The following PHF21A variants were observed in gnomAD, a reference collection of about 807,000 sequenced individuals.
PHF21A encodes PHD finger protein 21A, also known as BHC80a.
Under a neutral mutation model 82.5 loss-of-function variants are expected in PHF21A, and 11 were observed. The observed-to-expected ratio is 0.13, with a 90% CI of 0.08 to 0.22. The LOEUF is 0.22. PHF21A is among the 10% of genes least tolerant of loss of function. The probability of loss-of-function intolerance (pLI) is 1.00; values close to 1 mark genes in which losing one functional copy is unlikely to be tolerated. For missense variants in PHF21A, 579 were observed against 837.8 expected (o/e 0.69, Z 3.81); for synonymous variants, 297 against 302.8 (o/e 0.98, Z 0.20).
intron 1 of PHF21A, among the ~76,000 whole-genome samples, chr11:46,119,051 A>G (rs1043974565): frequency 6.6e-6 from 1 of 152,186 alleles, no homozygotes; most frequent in African/African-American, 2.4e-5. Context: ...CCCTCGCCTT[A>G]AAGAATCCCT....
At chr11:46,109,349 A>G (rs2135961045) in intron 1 of PHF21A, among the ~76,000 whole-genome samples, 1 of 152,320 alleles carries the variant, frequency 6.6e-6, no homozygotes, top group East Asian at 1.9e-4. Flanking sequence ...TACATAATAA[A>G]CACTCTTTAT....
At chr11:45,966,955 T>C (rs2093475159) in intron 9 of PHF21A, among the ~76,000 whole-genome samples, 1 of 151,672 alleles carries the variant, frequency 6.6e-6, no homozygotes, top group Non-Finnish European at 1.5e-5. Flanking sequence ...ACTGTGACCC[T>C]GTGGGCAAAA....
At chr11:45,982,503 A>G (rs367656241) in intron 6 of PHF21A, among the ~76,000 whole-genome samples, 2 of 152,192 alleles carry the variant, frequency 1.3e-5, no homozygotes, top group East Asian at 3.8e-4. Context: ...AAGTCTTCAA[A>G]ATTCTATTTC....
chr11:45,936,800 GA>G, intron 16 of PHF21A: 2 of 488,500 alleles, frequency 4.1e-6, no homozygotes, highest in South Asian at 5.2e-5. Flanking sequence ...CCCAGGCTTA[GA>G]AGGAGCTGGG....
rs576087165 is a variant in PHF21A, at chr11:46,111,114, TG to T, written c.-237+9820del. On this transcript the variant is annotated intron_variant, in intron 1 of 18. Transcript: ENST00000676320. ...TAACAAATTTTAAATCACAACTATG[TG>T]GGGGGGGAGGCTAGTATTATTACAG... 7.0e-4 allele frequency among the ~76,000 whole-genome samples: 103 copies of T among 146,138 alleles called. 1 individual carries two copies. Among genetic ancestry groups the T allele is most frequent in the African/African-American group, 2.0e-3 (81 of 40,208 alleles).
intron 6 of PHF21A, among the ~76,000 whole-genome samples, chr11:46,029,399 C>A (rs567558363): frequency 6.6e-6 from 1 of 152,194 alleles, no homozygotes; most frequent in South Asian, 2.1e-4. Context: ...TTAAAAAATT[C>A]TTCACTGGCT....
At chr11:45,959,804 A>AG (rs1326404309) in intron 10 of PHF21A, among the ~76,000 whole-genome samples, 1 of 152,226 alleles carries the variant, frequency 6.6e-6, no homozygotes, top group African/African-American at 2.4e-5. Flanking sequence ...GTAACTGGTA[A>AG]GGGTCTAGTA....
chr11:45,979,849 G>A lies in PHF21A; in HGVS notation c.271C>T (p.Pro91Ser). The part of the protein sequence containing the change: ...ENKLQTAQQQ[P>S]LQQLQQQQQY... ...TGCTGTTGTTGTAGTTGCTGTAGTGGTTGCTGCTGTGCTGTTTGTAGTTTG... is the reference window on the plus strand; with the variant it reads ...TGCTGTTGTTGTAGTTGCTGTAGTGATTGCTGCTGTGCTGTTTGTAGTTTG... Residue 91 changes from proline (P) to serine (S), a missense_variant, in exon 7 of 19, where the codon CCA becomes TCA. By Grantham distance (74) the Pro-to-Ser change is moderately conservative. Coordinates refer to ENST00000676320, the MANE Select transcript of PHF21A (RefSeq NM_001352027.3). The A allele has an allele frequency of 6.2e-7, 1 of 1,614,158 alleles. No individual in the cohort carries two copies. Among genetic ancestry groups the A allele is most frequent in the Non-Finnish European group, 8.5e-7 (1 of 1,180,024 alleles).
intron 6 of PHF21A, among the ~76,000 whole-genome samples, chr11:46,040,790 T>G (rs1479689471): frequency 6.6e-6 from 1 of 152,036 alleles, no homozygotes; most frequent in Non-Finnish European, 1.5e-5. Flanking sequence ...TTCTTTCTCA[T>G]GAATTGATTA....
chr11:45,938,903 A>G (rs1037368892), intron 15 of PHF21A, among the ~76,000 whole-genome samples: 3 of 150,834 alleles, frequency 2.0e-5, no homozygotes, highest in Non-Finnish European at 4.4e-5. Flanking sequence ...GCGCGATCTC[A>G]GCTCACTGCA....
intron 6 of PHF21A, among the ~76,000 whole-genome samples, chr11:46,057,361 G>C (rs904612486): frequency 6.6e-6 from 1 of 152,066 alleles, no homozygotes; most frequent in Non-Finnish European, 1.5e-5. Flanking sequence ...AAATATTTCA[G>C]TGACTATTTT....
intron 6 of PHF21A, among the ~76,000 whole-genome samples, chr11:46,020,820 A>C (rs1013558503): frequency 3.9e-5 from 6 of 152,314 alleles, no homozygotes; most frequent in African/African-American, 1.4e-4. Context: ...CCCAACTTAC[A>C]ATAGTTTGAT....
chr11:46,054,471 C>G (rs1209938829), intron 6 of PHF21A, among the ~76,000 whole-genome samples: 1 of 152,136 alleles, frequency 6.6e-6, no homozygotes. Flanking sequence ...CTTTTTATGC[C>G]TGGGCGCCAT....
chr11:45,939,480 A>C (rs959947786), intron 15 of PHF21A, among the ~76,000 whole-genome samples: 1 of 152,238 alleles, frequency 6.6e-6, no homozygotes, highest in African/African-American at 2.4e-5. Flanking sequence ...AGTTCTTTCT[A>C]AAATGAAGAA....
At chr11:46,076,476 A>G (rs2096727135) in intron 6 of PHF21A, among the ~76,000 whole-genome samples, 1 of 152,186 alleles carries the variant, frequency 6.6e-6, no homozygotes. Flanking sequence ...CCCATCCCCT[A>G]TAGGTAAACT....
intron 6 of PHF21A, among the ~76,000 whole-genome samples, chr11:46,062,674 A>G (rs1039241702): frequency 6.6e-6 from 1 of 152,084 alleles, no homozygotes; most frequent in African/African-American, 2.4e-5. Flanking sequence ...TTTAAGATTG[A>G]AGCGCTAAGA....
At chr11:45,996,436 GGTTAAGAACTA>G (rs1332056776) in intron 6 of PHF21A, among the ~76,000 whole-genome samples, 20 of 152,184 alleles carry the variant, frequency 1.3e-4, no homozygotes, top group African/African-American at 4.6e-4. Context: ...AAAATATGCT[GGTTAAGAACTA>G]GCACTAAGTC....
intron 6 of PHF21A, among the ~76,000 whole-genome samples, chr11:46,046,563 C>T (rs2096260270): frequency 6.6e-6 from 1 of 152,146 alleles, no homozygotes; most frequent in African/African-American, 2.4e-5. Flanking sequence ...TTATTAGAAG[C>T]CATTCTAAGG....
chr11:46,083,168 TAAAAA>T (rs76595296), intron 4 of PHF21A, among the ~76,000 whole-genome samples: 53 of 142,246 alleles, frequency 3.7e-4, no homozygotes, highest in African/African-American at 1.3e-3. Flanking sequence ...GAAGCAAAGT[TAAAAA>T]AAAAAAAAAG....
Sources: gnomAD v4.1 joint callset for allele counts (sites outside exome capture counted in the v4.1 genomes callset) on GRCh38, gnomAD v4.1.1 for gene constraint, MANE v1.5 for transcripts, NCBI Gene and HGNC (gene_info 2026-07-23, HGNC 2026-07-21) for gene names.